Variants in ATP10D observed in about 807,000 individuals in gnomAD.
ATP10D encodes phospholipid-transporting ATPase VD.
Under a neutral mutation model 144.8 loss-of-function variants are expected in ATP10D, and 89 were observed. The ratio of observed to expected loss-of-function variants is 0.61; its 90% CI spans 0.52 to 0.73. The LOEUF (loss-of-function observed/expected upper bound fraction) is 0.73. ATP10D is among the 30% of genes least tolerant of loss of function. The probability of loss-of-function intolerance (pLI) is 0.00; values close to 1 mark genes in which losing one functional copy is unlikely to be tolerated. For missense variants in ATP10D, 1,603 were observed against 1,714.8 expected (o/e 0.93, Z 1.15); for synonymous variants, 571 against 615.1 (o/e 0.93, Z 1.06).
chr4:47,572,945 G>A lies in ATP10D; in HGVS notation c.3314G>A (p.Trp1105Ter), dbSNP rs780086835. 8 of 1,613,772 alleles carry A rather than the reference G, an allele frequency of 5.0e-6. No homozygotes were observed. The South Asian group carries it at 7.7e-5, about 16-fold the overall frequency. ...AAGCTCCTTCTTGTCCATGGACACT[G>A]GTGTTATACACGGCTTTCCAACATG... ...LSKLLLVHGH[W>*]CYTRLSNMIL... Residue 1105 changes from tryptophan to a stop codon, truncating the protein, a stop_gained, in exon 18 of 23, where the codon TGG becomes TAG. Transcript: ENST00000273859. LOFTEE classifies it high-confidence loss of function.
chr4:47,554,262 G>C (rs1299273426), intron 10 of ATP10D, among the ~76,000 whole-genome samples: 1 of 152,112 alleles, frequency 6.6e-6, no homozygotes. Flanking sequence ...TTGGAGAGTT[G>C]TTTTTTACAA....
At chr4:47,502,200 C>T (rs1000579625) in intron 1 of ATP10D, among the ~76,000 whole-genome samples, 1 of 152,128 alleles carries the variant, frequency 6.6e-6, no homozygotes, top group African/African-American at 2.4e-5. Flanking sequence ...CTGGACTGGG[C>T]GCGGTGGTTT....
At chr4:47,576,997 T>G in intron 19 of ATP10D, 24 bp downstream of exon 19, 1 of 1,603,624 alleles carries the variant, frequency 6.2e-7, no homozygotes, top group Non-Finnish European at 8.5e-7. Context: ...CAAGAGTGCT[T>G]GGATGGATGC....
chr4:47,562,572 A>T (rs1719370144), intron 14 of ATP10D, among the ~76,000 whole-genome samples: 1 of 152,206 alleles, frequency 6.6e-6, no homozygotes, highest in African/African-American at 2.4e-5. Context: ...GAGAAAAGGG[A>T]ACGCTTATAT....
chr4:47,491,327 C>A (rs1217029984), intron 1 of ATP10D: 9 of 846,712 alleles, frequency 1.1e-5, no homozygotes, highest in Admixed American at 1.7e-5. Context: ...GAACAGTACC[C>A]ATTCCCTTGA....
chr4:47,581,318 T>C (rs1314202581), intron 20 of ATP10D, among the ~76,000 whole-genome samples: 1 of 152,198 alleles, frequency 6.6e-6, no homozygotes, highest in Non-Finnish European at 1.5e-5. Flanking sequence ...ACATATACCC[T>C]TCTCCTAAAG....
chr4:47,543,970 T>A (rs1314790686), intron 9 of ATP10D, among the ~76,000 whole-genome samples: 1 of 152,190 alleles, frequency 6.6e-6, no homozygotes, highest in Non-Finnish European at 1.5e-5. Flanking sequence ...CATTTATTAT[T>A]CATTTAATAA....
chr4:47,555,444 C>T lies in ATP10D; in HGVS notation c.1824+530C>T, dbSNP rs1442813597. 2.6e-5 allele frequency among the ~76,000 whole-genome samples: 4 copies of T among 152,254 alleles called. No homozygotes were observed. The East Asian group carries it at 5.8e-4, about 22-fold the overall frequency. On this transcript the variant is annotated intron_variant, in intron 11 of 22. Coordinates refer to ENST00000273859, the MANE Select transcript of ATP10D (RefSeq NM_020453.4). Reference sequence around the variant, plus strand: ...TTTATTGGTATTAACAAGTTGAATCCTCCTAACAATCCTATGAGTTAGAAG... The same window carrying T: ...TTTATTGGTATTAACAAGTTGAATCTTCCTAACAATCCTATGAGTTAGAAG...
intron 5 of ATP10D, among the ~76,000 whole-genome samples, chr4:47,530,370 G>T (rs548877353): frequency 6.6e-6 from 1 of 152,090 alleles, no homozygotes; most frequent in Non-Finnish European, 1.5e-5. Context: ...AAAGGATATT[G>T]GTTTTTATCG....
chr4:47,509,074 A>T (rs1716174240), intron 1 of ATP10D, among the ~76,000 whole-genome samples: 1 of 152,230 alleles, frequency 6.6e-6, no homozygotes, highest in South Asian at 2.1e-4. Context: ...GTTGGAAGTG[A>T]CAGAGAAAGA....
intron 1 of ATP10D, among the ~76,000 whole-genome samples, chr4:47,503,792 G>A (rs560552421): frequency 5.3e-5 from 8 of 152,094 alleles, no homozygotes; most frequent in Admixed American, 1.3e-4. Flanking sequence ...CCAGCTACTT[G>A]TGAAGCTGAG....
Position 47,559,037 on chromosome 4 carries a change from T to C in ATP10D, c.2541+8T>C, listed in dbSNP as rs753105680. 6.2e-7 allele frequency: 1 copy of C among 1,600,202 alleles called. No individual in the cohort carries two copies. Among genetic ancestry groups the C allele is most frequent in the Non-Finnish European group, 8.6e-7 (1 of 1,168,908 alleles). On this transcript the variant is annotated splice_region_variant and intron_variant, in intron 13 of 22. Coordinates refer to ENST00000273859, the MANE Select transcript of ATP10D (RefSeq NM_020453.4). ...TTATGTATAGCAAAGAAGGTGAGAC[T>C]GCTTAGTGCGCTCCATCTTTTTTGT...
At chr4:47,555,387 C>T (rs1461652600) in intron 11 of ATP10D, among the ~76,000 whole-genome samples, 3 of 152,164 alleles carry the variant, frequency 2.0e-5, no homozygotes, top group Admixed American at 2.0e-4. Flanking sequence ...GTCCCTGGTG[C>T]CAAAAAGGTT....
At chr4:47,554,699 C>A in intron 10 of ATP10D, 27 bp from the exon 11 acceptor site, 1 of 1,550,560 alleles carries the variant, frequency 6.4e-7, no homozygotes, top group Non-Finnish European at 8.7e-7. Context: ...CTTCTTATAA[C>A]AACACACTGT....
At chr4:47,558,406 T>A in intron 12 of ATP10D, 133 bp downstream of exon 12, 1 of 1,263,538 alleles carries the variant, frequency 7.9e-7, no homozygotes, top group Non-Finnish European at 1.1e-6. Flanking sequence ...AGGGGGAAGC[T>A]GCCTAGGATT....
intron 1 of ATP10D, among the ~76,000 whole-genome samples, chr4:47,489,677 A>G (rs990719014): frequency 6.6e-6 from 1 of 152,152 alleles, no homozygotes. Flanking sequence ...CTTTTATGTT[A>G]GGTATCATTA....
intron 3 of ATP10D, among the ~76,000 whole-genome samples, chr4:47,518,077 C>G (rs543335394): frequency 6.6e-6 from 1 of 152,158 alleles, no homozygotes; most frequent in African/African-American, 2.4e-5. Flanking sequence ...AAAACCATGC[C>G]TTGTTGATTT....
At chr4:47,538,761 T>C (rs1717981562) in intron 9 of ATP10D, among the ~76,000 whole-genome samples, 1 of 152,174 alleles carries the variant, frequency 6.6e-6, no homozygotes, top group Admixed American at 6.5e-5. Flanking sequence ...CCCCAACTAT[T>C]CGCAGCTCCA....
Position 47,523,046 on chromosome 4 carries a change from G to C in ATP10D, c.520G>C (p.Asp174His). 6.2e-7 allele frequency: 1 copy of C among 1,613,230 alleles called. No individual in the cohort carries two copies. Among genetic ancestry groups the C allele is most frequent in the Non-Finnish European group, 8.5e-7 (1 of 1,179,752 alleles). ...EKKYIDRCWKDVTVGDFIRLS... is the reference protein window; with the variant it reads ...EKKYIDRCWKHVTVGDFIRLS... The stretch of plus-strand genomic sequence containing the variant: ...AAAATACATTGACCGATGCTGGAAA[G>C]ACGTTACTGTTGGGGACTTTATTCG... The change falls in exon 4 of 23, where the codon GAC becomes CAC. Residue 174 changes from aspartate (D) to histidine (H), a missense_variant. Transcript: ENST00000273859.
Sources: allele counts gnomAD v4.1 joint callset (sites outside exome capture counted in the v4.1 genomes callset), GRCh38; gene constraint gnomAD v4.1.1; transcripts MANE v1.5; gene names NCBI Gene and HGNC (gene_info 2026-07-23, HGNC 2026-07-21).